Variants in AUTS2 observed in about 807,000 individuals in gnomAD.
AUTS2 encodes activator of transcription and developmental regulator AUTS2.
Under a neutral mutation model 112.4 loss-of-function variants are expected in AUTS2, and 17 were observed. That is an observed-to-expected ratio of 0.15 (90% confidence interval 0.10 to 0.23). The LOEUF is 0.23. AUTS2 is among the 10% of genes least tolerant of loss of function. AUTS2 has a pLI of 1.00. For synonymous variants in AUTS2, 751 were observed against 702.7 expected (o/e 1.07, Z -1.09); for missense variants, 1,510 against 1,701.6 (o/e 0.89, Z 1.98).
chr7:69,705,052 A>C (rs1303640641), intron 1 of AUTS2, among the ~76,000 whole-genome samples: 2 of 152,112 alleles, frequency 1.3e-5, no homozygotes, highest in Non-Finnish European at 2.9e-5. Context: ...CTTTTTGTAG[A>C]GACGGGGTTT....
intron 4 of AUTS2, among the ~76,000 whole-genome samples, chr7:70,426,230 G>A (rs1420105884): frequency 6.6e-6 from 1 of 152,160 alleles, no homozygotes; most frequent in Non-Finnish European, 1.5e-5. Flanking sequence ...TTGGCTTCCT[G>A]AGTCTTAAGC....
rs1200632270 is a variant in AUTS2 at position 70,095,117 on chromosome 7, G to A, written c.523-23015G>A. ...CTGAATTCTAGAGGACTTAGGTGCA[G>A]CCAAGGAAGGATCTCATTTACTTAC... On this transcript the variant is annotated intron_variant, in intron 2 of 18. Transcript: ENST00000342771. 3.9e-5 allele frequency among the ~76,000 whole-genome samples: 6 copies of A among 152,318 alleles called. No homozygotes were observed. The East Asian group carries it at 1.2e-3, about 29-fold the overall frequency.
chr7:70,354,063 G>A (rs952424901), intron 4 of AUTS2, among the ~76,000 whole-genome samples: 9 of 152,318 alleles, frequency 5.9e-5, no homozygotes, highest in Admixed American at 1.3e-4. Flanking sequence ...TGCTAATCGC[G>A]TAAAGTGTGA....
intron 4 of AUTS2, among the ~76,000 whole-genome samples, chr7:70,258,846 G>A (rs1425661409): frequency 6.6e-6 from 1 of 152,118 alleles, no homozygotes. Flanking sequence ...AATACGTTTT[G>A]TATTGATTAC....
intron 5 of AUTS2, among the ~76,000 whole-genome samples, chr7:70,495,739 A>G (rs377553450): frequency 1.5e-4 from 16 of 106,042 alleles, no homozygotes; most frequent in Admixed American, 1.8e-4. Flanking sequence ...TCACATCAGC[A>G]TCGATCACAC....
chr7:70,181,754 G>T (rs1217335913), intron 4 of AUTS2, among the ~76,000 whole-genome samples: 1 of 149,724 alleles, frequency 6.7e-6, no homozygotes, highest in African/African-American at 2.5e-5. Context: ...CTCCCAAAGT[G>T]CTGGGATTAC....
Position 69,911,317 on chromosome 7 carries a change from G to C in AUTS2, c.522+11819G>C, listed in dbSNP as rs866479389. ...AAGCTTGGAGATACCAGGAACCACA[G>C]AGCCCCAAAGAGGGTGTCACAGCCC... On this transcript the variant is annotated intron_variant, in intron 2 of 18. Coordinates refer to ENST00000342771, the MANE Select transcript of AUTS2 (RefSeq NM_015570.4). Among the ~76,000 whole-genome samples, 5 of 152,322 alleles carry C rather than the reference G, an allele frequency of 3.3e-5. No individual in the cohort carries two copies. In the Middle Eastern group the frequency reaches 0.014, roughly 414 times the overall value.
intron 1 of AUTS2, among the ~76,000 whole-genome samples, chr7:69,695,959 G>A (rs1269872040): frequency 1.3e-5 from 2 of 152,164 alleles, no homozygotes; most frequent in Non-Finnish European, 2.9e-5. Context: ...CAAATAGGAA[G>A]ACACCCTTTG....
intron 4 of AUTS2, among the ~76,000 whole-genome samples, chr7:70,299,947 A>G (rs1327955685): frequency 6.6e-6 from 1 of 152,122 alleles, no homozygotes; most frequent in Non-Finnish European, 1.5e-5. Context: ...TCTGTCAATG[A>G]CACAGAAATC....
chr7:70,144,325 T>C (rs939159548), intron 4 of AUTS2, among the ~76,000 whole-genome samples: 2 of 152,160 alleles, frequency 1.3e-5, no homozygotes, highest in Non-Finnish European at 2.9e-5. Flanking sequence ...CTTAGAATTT[T>C]TTAAAATTAA....
chr7:70,211,037 T>C (rs1428281689), intron 4 of AUTS2, among the ~76,000 whole-genome samples: 1 of 152,162 alleles, frequency 6.6e-6, no homozygotes, highest in Non-Finnish European at 1.5e-5. Context: ...TCAAATGAAC[T>C]GCCAAGGATG....
intron 4 of AUTS2, among the ~76,000 whole-genome samples, chr7:70,251,539 T>G (rs1325103227): frequency 6.6e-6 from 1 of 152,190 alleles, no homozygotes; most frequent in Non-Finnish European, 1.5e-5. Context: ...TCTATTCAGT[T>G]TCTTTTCAAG....
intron 1 of AUTS2, among the ~76,000 whole-genome samples, chr7:69,740,523 C>CTTTTTTTTT: frequency 6.7e-6 from 1 of 150,192 alleles, no homozygotes; most frequent in African/African-American, 2.4e-5. Flanking sequence ...TCAGAAATGT[C>CTTTTTTTTT]TTTTTTTTTT....
chr7:70,102,194 C>T (rs1170403905), intron 2 of AUTS2, among the ~76,000 whole-genome samples: 1 of 150,646 alleles, frequency 6.6e-6, no homozygotes, highest in Non-Finnish European at 1.5e-5. Flanking sequence ...TCTCGGCTCA[C>T]CGCAAGCTCT....
At chr7:70,508,624 G>C (rs1032785326) in intron 5 of AUTS2, among the ~76,000 whole-genome samples, 2 of 152,184 alleles carry the variant, frequency 1.3e-5, no homozygotes, top group Non-Finnish European at 2.9e-5. Flanking sequence ...AGTGGGGAGA[G>C]TGTCTTCATT....
chr7:69,960,633 C>A (rs906431255), intron 2 of AUTS2, among the ~76,000 whole-genome samples: 3 of 152,048 alleles, frequency 2.0e-5, no homozygotes, highest in African/African-American at 7.2e-5. Flanking sequence ...CAGTCGTTTT[C>A]CAAAAACATT....
chr7:70,046,024 A>G (rs1193543360), intron 2 of AUTS2, among the ~76,000 whole-genome samples: 1 of 152,126 alleles, frequency 6.6e-6, no homozygotes, highest in East Asian at 1.9e-4. Context: ...TCAAAGTTAT[A>G]CGTTTAAAGG....
chr7:70,135,060 AGG>A (rs1296208123), intron 4 of AUTS2, among the ~76,000 whole-genome samples: 1 of 152,144 alleles, frequency 6.6e-6, no homozygotes, highest in Non-Finnish European at 1.5e-5. Context: ...GTTTGCCTTT[AGG>A]TTTTTCTTTC....
chr7:70,607,701 G>A (rs556145371), intron 5 of AUTS2, among the ~76,000 whole-genome samples: 1 of 152,340 alleles, frequency 6.6e-6, no homozygotes, highest in South Asian at 2.1e-4. Context: ...TGTTCATGTT[G>A]ATGTTGCCCA....
Sources: gnomAD v4.1 joint callset for allele counts (sites outside exome capture counted in the v4.1 genomes callset) on GRCh38, gnomAD v4.1.1 for gene constraint, MANE v1.5 for transcripts, NCBI Gene and HGNC (gene_info 2026-07-23, HGNC 2026-07-21) for gene names.